The following OTOG variants were observed in gnomAD, a reference collection of about 807,000 sequenced individuals.
OTOG encodes otogelin.
In OTOG, 296 loss-of-function variants were observed where a neutral mutation model predicts 313.8. The ratio of observed to expected loss-of-function variants is 0.94; its 90% CI spans 0.86 to 1.04. OTOG has a LOEUF of 1.04. Ranked by LOEUF, OTOG falls within the 50% of genes least tolerant of loss-of-function variation. The probability of loss-of-function intolerance (pLI) is 0.00; values close to 1 mark genes in which losing one functional copy is unlikely to be tolerated. For missense variants in OTOG, 3,948 were observed against 3,840.1 expected, an observed-to-expected ratio of 1.03 and a Z score of -0.74; for synonymous variants, 1,533 against 1,554.9, an observed-to-expected ratio of 0.99 and a Z score of 0.33.
chr11:17,559,577 C>T lies in OTOG; in HGVS notation c.1257C>T (p.Ile419=), dbSNP rs770726974. The change falls in exon 12 of 56, where the codon ATC becomes ATT. Residue 419 remains isoleucine (I), a synonymous_variant. Transcript: ENST00000399397. The part of the protein sequence containing the change: ...KEKAFTYNEC[I]ACCPASCHPR... ...AGGCCTTTACCTACAATGAGTGCAT[C>T]GCCTGCTGCCCTGCCTCCTGCCATC... 4.5e-6 allele frequency: 7 copies of T among 1,550,750 alleles called. No individual in the cohort carries two copies. The highest frequency in any genetic ancestry group is 2.4e-5 in the East Asian group (1 of 40,918).
intron 7 of OTOG, among the ~76,000 whole-genome samples, chr11:17,556,890 C>T (rs1852067077): frequency 6.6e-6 from 1 of 152,230 alleles, no homozygotes; most frequent in South Asian, 2.1e-4. Flanking sequence ...GAGTCACTCA[C>T]TCTAAGATTT....
Position 17,555,784 on chromosome 11 carries a change from C to T in OTOG, c.546C>T (p.His182=), listed in dbSNP as rs1251338502. The T allele has an allele frequency of 5.2e-6, 8 of 1,550,244 alleles. No homozygotes were observed. The highest frequency in any genetic ancestry group is 1.8e-4 in the Middle Eastern group (1 of 5,690). The stretch of plus-strand genomic sequence containing the variant: ...CCTCTGAACTCCCTACTCAGGTACA[C>T]AATGACCCGCAGTGTGGCTCTTCAC... ...PEGQSFSIQV[H]NDPQCGSSPY... The change falls in exon 7 of 56, where the codon CAC becomes CAT. Residue 182 remains histidine, a synonymous_variant. Transcript: ENST00000399397.
At chr11:17,634,630 G>A (rs558936566) in intron 44 of OTOG, among the ~76,000 whole-genome samples, 6 of 152,256 alleles carry the variant, frequency 3.9e-5, no homozygotes, top group East Asian at 1.9e-4. Flanking sequence ...GATGGGGTGC[G>A]TGTCAATGGA....
At position 17,610,140 on chromosome 11, in the gene OTOG, C is replaced by T. The variant is rs1036844378; in HGVS notation, c.4840C>T (p.Pro1614Ser). The change falls in exon 36 of 56, where the codon CCG (proline) becomes TCG (serine). Residue 1614 changes from proline to serine, a missense_variant. Physicochemically the swap from Pro to Ser is moderately conservative, Grantham distance 74 (BLOSUM62 -1). Transcript: ENST00000399397. ...CCGGTCGCCCCCTGCCCCTCGCTTC[C>T]CGCTCATGACCAAGGCTGTGACAGT... The part of the protein sequence containing the change: ...SSRSPPAPRF[P>S]LMTKAVTVRG... The T allele has an allele frequency of 6.4e-7, 1 of 1,550,666 alleles. No individual in the cohort carries two copies. Among genetic ancestry groups the T allele is most frequent in the Admixed American group, 2.0e-5 (1 of 51,010 alleles).
At chr11:17,548,951 T>C (rs1238471767) in intron 3 of OTOG, among the ~76,000 whole-genome samples, 2 of 152,142 alleles carry the variant, frequency 1.3e-5, no homozygotes, top group African/African-American at 4.8e-5. Flanking sequence ...ACTCCTGGCC[T>C]CAAGTGATCC....
At chr11:17,601,859 C>G (rs1449304035) in intron 31 of OTOG, among the ~76,000 whole-genome samples, 1 of 152,176 alleles carries the variant, frequency 6.6e-6, no homozygotes, top group Non-Finnish European at 1.5e-5. Context: ...CAGAGGGGAC[C>G]TTGAATAGAG....
In OTOG at chr11:17,634,152, C is replaced by CA. The variant is rs1157646266; in HGVS notation, c.7353dup (p.Ala2452SerfsTer18). On this transcript the variant is annotated frameshift_variant, in exon 44 of 56. Coordinates refer to ENST00000399397, the MANE Select transcript of OTOG (RefSeq NM_001292063.2). LOFTEE classifies it high-confidence loss of function. The stretch of plus-strand genomic sequence containing the variant: ...CAGCGGCTGCTGCCAGCACCAGTGC[C>CA]AAGCCCCAGACACCATTGTCCCGGT... 1.7e-5 allele frequency: 26 copies of CA among 1,549,820 alleles called. No homozygotes were observed. The highest frequency in any genetic ancestry group is 2.3e-5 in the Non-Finnish European group (26 of 1,146,954).
intron 7 of OTOG, 91 bp from the exon 8 acceptor site, chr11:17,557,027 C>A: frequency 1.6e-6 from 2 of 1,270,742 alleles, no homozygotes; most frequent in South Asian, 1.4e-5. Context: ...GGCCTTGGAT[C>A]ATGGGGTAGG....
intron 28 of OTOG, among the ~76,000 whole-genome samples, chr11:17,595,588 A>G (rs754180425): frequency 1.6e-4 from 25 of 152,148 alleles, no homozygotes; most frequent in Non-Finnish European, 2.5e-4. Context: ...AAGGAACTGC[A>G]TCCTCATCTG....
intron 42 of OTOG, 83 bp from the exon 43 acceptor site, chr11:17,633,597 C>T: frequency 1.5e-6 from 2 of 1,315,556 alleles, no homozygotes; most frequent in Non-Finnish European, 1.0e-6. Context: ...GCCCTCTCCT[C>T]ATCCCCTCCT....
chr11:17,632,038 T>G (rs1854141236), intron 41 of OTOG, 50 bp from the exon 42 acceptor site: 1 of 1,542,952 alleles, frequency 6.5e-7, no homozygotes, highest in Admixed American at 2.0e-5. Flanking sequence ...AGCTGGGCAC[T>G]GGGATATGTG....
At chr11:17,560,874 G>A (rs1465735857) in intron 13 of OTOG, 57 bp downstream of exon 13, 18 of 1,426,534 alleles carry the variant, frequency 1.3e-5, no homozygotes, top group South Asian at 4.9e-5. Context: ...GGCTTTCCAC[G>A]AGGGCTGCCC....
In OTOG at chr11:17,552,074, C is replaced by A; in HGVS notation, c.291C>A (p.Ser97=). ...RRLHRAKCAP[S]YLFSCFNGGE... is the part of the protein sequence containing the mutation. ...TCCATCGGGCCAAGTGTGCACCATC[C>A]TGTAAGTGGCACCTTCACTGTGGTC... Residue 97 remains serine (S), a splice_region_variant and synonymous_variant, in exon 4 of 56, where the codon TCC becomes TCA. Coordinates refer to ENST00000399397, the MANE Select transcript of OTOG (RefSeq NM_001292063.2). 6.4e-7 allele frequency: 1 copy of A among 1,550,458 alleles called. No homozygotes were observed. The highest frequency in any genetic ancestry group is 8.7e-7 in the Non-Finnish European group (1 of 1,146,828).
rs989128775 is a variant in OTOG at position 17,635,615 on chromosome 11, G to A, written c.7699G>A (p.Gly2567Ser). 6.5e-7 allele frequency: 1 copy of A among 1,550,102 alleles called. No homozygotes were observed. The highest frequency in any genetic ancestry group is 1.4e-5 in the African/African-American group (1 of 73,028). The change falls in exon 47 of 56, where the codon GGT (glycine) becomes AGT (serine). Residue 2567 changes from glycine (G) to serine (S), a missense_variant. Transcript: ENST00000399397. ...TTGACCCTCTTCCCCCTCAGCCTGT[G>A]GTGACTGTCCAGACTCCATCCCCGA... ...SCCTSYFCAC[G>S]DCPDSIPECQ...
chr11:17,574,748 T>C lies in OTOG; in HGVS notation c.2322T>C (p.Tyr774=), dbSNP rs773653596. ...TGTCCTGTGAGGCCTCCAAGGAGTA[T>C]AGCCCCTGCGTGGCCCCGTGTGGAC... ...CALSCEASKE[Y]SPCVAPCGRT... Residue 774 remains tyrosine, a synonymous_variant, in exon 20 of 56, where the codon TAT becomes TAC. Transcript: ENST00000399397. 4 of 1,550,500 alleles carry C rather than the reference T, an allele frequency of 2.6e-6. No individual in the cohort carries two copies. Among genetic ancestry groups the C allele is most frequent in the Non-Finnish European group, 3.5e-6 (4 of 1,146,966 alleles).
chr11:17,557,382 C>A, intron 8 of OTOG, 59 bp downstream of exon 8: 1 of 1,489,802 alleles, frequency 6.7e-7, no homozygotes, highest in Non-Finnish European at 9.1e-7. Flanking sequence ...ACAGGTCAGG[C>A]TGGGAGGGGT....
chr11:17,622,253 A>G (rs966542460), intron 39 of OTOG, among the ~76,000 whole-genome samples: 4 of 152,218 alleles, frequency 2.6e-5, no homozygotes, highest in Admixed American at 6.5e-5. Context: ...ATGGGTAGAT[A>G]GTAGGTATAT....
At chr11:17,560,625 T>C in intron 12 of OTOG, 84 bp from the exon 13 acceptor site, 2 of 933,792 alleles carry the variant, frequency 2.1e-6, no homozygotes, top group Non-Finnish European at 3.4e-6. Flanking sequence ...GATAAGGGGA[T>C]CTTTATCAGA....
chr11:17,572,243 G>T, intron 18 of OTOG, 39 bp downstream of exon 18: 1 of 1,548,524 alleles, frequency 6.5e-7, no homozygotes, highest in South Asian at 1.2e-5. Flanking sequence ...TGGTTGAGTG[G>T]GGTGGGGAGG....
Sources: allele counts gnomAD v4.1 joint callset (sites outside exome capture counted in the v4.1 genomes callset), GRCh38; gene constraint gnomAD v4.1.1; transcripts MANE v1.5; gene names NCBI Gene and HGNC (gene_info 2026-07-23, HGNC 2026-07-21).